CACNA2D3: variants seen among roughly 807,000 people sequenced by gnomAD.
CACNA2D3 encodes the protein calcium voltage-gated channel auxiliary subunit alpha2delta 3.
In CACNA2D3, 60 loss-of-function variants were observed where a neutral mutation model predicts 160.6. The observed-to-expected ratio is 0.37, with a 90% CI of 0.30 to 0.46. The LOEUF is 0.46. CACNA2D3 is among the 20% of genes least tolerant of loss of function. The pLI is 1.00. For synonymous variants in CACNA2D3, 558 were observed against 492.9 expected (o/e 1.13, Z -1.75); for missense variants, 1,205 against 1,365.0 (o/e 0.88, Z 1.85).
At chr3:54,212,735 G>C (rs569212631) in intron 2 of CACNA2D3, among the ~76,000 whole-genome samples, 1 of 152,228 alleles carries the variant, frequency 6.6e-6, no homozygotes, top group South Asian at 2.1e-4. Context: ...GATGGTTGGG[G>C]GTGGGAATGC....
rs909556591 is a variant in CACNA2D3 at position 54,604,006 on chromosome 3, G to GA, written c.963+22133dup. Among the ~76,000 whole-genome samples, 10 of 152,018 alleles carry GA rather than the reference G, an allele frequency of 6.6e-5. No homozygotes were observed. The South Asian group carries it at 8.3e-4, about 13-fold the overall frequency. On this transcript the variant is annotated intron_variant, in intron 9 of 37. Coordinates refer to ENST00000474759, the MANE Select transcript of CACNA2D3 (RefSeq NM_018398.3). The stretch of plus-strand genomic sequence containing the variant: ...ATAGCATTCCAACCTCCTTATTATT[G>GA]AAAATATAGCTTACTTCTAGGGTCT...
chr3:54,841,548 G>T (rs1173581938), intron 16 of CACNA2D3, among the ~76,000 whole-genome samples: 1 of 152,208 alleles, frequency 6.6e-6, no homozygotes, highest in Admixed American at 6.5e-5. Flanking sequence ...TCATCCAGGA[G>T]AGGAGAGCTC....
chr3:54,628,272 C>T (rs1206738307), intron 10 of CACNA2D3, among the ~76,000 whole-genome samples: 3 of 152,302 alleles, frequency 2.0e-5, no homozygotes, highest in African/African-American at 4.8e-5. Context: ...CTCTGGCTGA[C>T]ACTGAGCAGA....
At chr3:54,365,141 C>T (rs1268985973) in intron 3 of CACNA2D3, among the ~76,000 whole-genome samples, 1 of 152,200 alleles carries the variant, frequency 6.6e-6, no homozygotes, top group Non-Finnish European at 1.5e-5. Flanking sequence ...ACATGACTCA[C>T]AAATTAGACC....
intron 12 of CACNA2D3, among the ~76,000 whole-genome samples, chr3:54,752,922 G>A (rs536343766): frequency 1.3e-5 from 2 of 148,640 alleles, no homozygotes; most frequent in East Asian, 2.0e-4. Flanking sequence ...GTGCAGTAAC[G>A]CGATCTCAGC....
intron 9 of CACNA2D3, among the ~76,000 whole-genome samples, chr3:54,590,606 A>ATTATTC (rs1025776329): frequency 2.6e-5 from 4 of 151,084 alleles, no homozygotes; most frequent in Non-Finnish European, 4.4e-5. Context: ...TCTTATTATT[A>ATTATTC]TTATTATTAT....
chr3:54,146,746 G>A (rs1217952946), intron 2 of CACNA2D3, among the ~76,000 whole-genome samples: 2 of 152,212 alleles, frequency 1.3e-5, no homozygotes, highest in African/African-American at 4.8e-5. Context: ...GGGAGTCTGC[G>A]GGGTGTCACC....
At chr3:54,774,368 G>T (rs116655360) in intron 13 of CACNA2D3, among the ~76,000 whole-genome samples, 24 of 152,256 alleles carry the variant, frequency 1.6e-4, no homozygotes, top group African/African-American at 5.8e-4. Context: ...GGGGAAGCAG[G>T]CATGTCCTAT....
intron 35 of CACNA2D3, among the ~76,000 whole-genome samples, chr3:55,021,625 G>GTATATATA (rs61298986): frequency 8.0e-4 from 105 of 131,490 alleles, no homozygotes; most frequent in African/African-American, 2.9e-3. Flanking sequence ...ATGTGTGTGT[G>GTATATATA]TATATATATA....
chr3:54,343,052 C>G (rs1302377523), intron 3 of CACNA2D3, among the ~76,000 whole-genome samples: 1 of 152,190 alleles, frequency 6.6e-6, no homozygotes, highest in Non-Finnish European at 1.5e-5. Flanking sequence ...GTCCTTGCTG[C>G]CCAAAGTGAC....
Position 54,350,984 on chromosome 3 carries a change from TTG to T in CACNA2D3, c.321+30428_321+30429del, listed in dbSNP as rs1194074596. Among the ~76,000 whole-genome samples the T allele has an allele frequency of 8.9e-3, 380 of 42,848 alleles. 88 individuals are homozygous for T. Among genetic ancestry groups the T allele is most frequent in the Middle Eastern group, 0.028 (2 of 72 alleles). The allele number at this position is 42,848 out of a possible 152,430, so 28.1% of individuals were successfully genotyped here. On this transcript the variant is annotated intron_variant, in intron 3 of 37. Coordinates refer to ENST00000474759, the MANE Select transcript of CACNA2D3 (RefSeq NM_018398.3). ...CTTGAGTCTGTTTTTTTTTTTTTGT[TTG>T]TTTTTTTTTTTTTTTTTTTTGAGAC...
At chr3:54,319,157 GACAC>G (rs58790730) in intron 2 of CACNA2D3, among the ~76,000 whole-genome samples, 17,174 of 138,804 alleles carry the variant, frequency 0.12, 1,088 homozygotes, top group East Asian at 0.19. Context: ...AGCATTTTGT[GACAC>G]ACACACACAC....
intron 26 of CACNA2D3, among the ~76,000 whole-genome samples, chr3:54,897,233 G>A (rs769161294): frequency 1.2e-4 from 19 of 152,096 alleles, no homozygotes; most frequent in Non-Finnish European, 2.5e-4. Context: ...TCACATCCCT[G>A]CAGAGGTCCA....
chr3:54,810,562 T>G (rs1703280281), intron 13 of CACNA2D3, among the ~76,000 whole-genome samples: 1 of 152,180 alleles, frequency 6.6e-6, no homozygotes, highest in African/African-American at 2.4e-5. Context: ...TGATCATTCA[T>G]TCATGAGGCC....
At chr3:54,931,246 G>C (rs1002644589) in intron 27 of CACNA2D3, among the ~76,000 whole-genome samples, 1 of 152,188 alleles carries the variant, frequency 6.6e-6, no homozygotes, top group Non-Finnish European at 1.5e-5. Flanking sequence ...GGCAACATCT[G>C]CTTACTGCCC....
intron 4 of CACNA2D3, among the ~76,000 whole-genome samples, chr3:54,481,287 A>T (rs529352410): frequency 6.6e-6 from 1 of 152,182 alleles, no homozygotes; most frequent in Non-Finnish European, 1.5e-5. Flanking sequence ...CTCCCCTCTG[A>T]TGTTTCATTT....
chr3:54,298,756 C>T (rs9714322), intron 2 of CACNA2D3, among the ~76,000 whole-genome samples: 35,737 of 151,526 alleles, frequency 0.24, 4,443 homozygotes, highest in South Asian at 0.34. Flanking sequence ...TGCAGTGAGC[C>T]GTGATCATGC....
chr3:54,578,236 C>T (rs973986316), intron 8 of CACNA2D3, among the ~76,000 whole-genome samples: 10 of 152,186 alleles, frequency 6.6e-5, no homozygotes, highest in African/African-American at 2.4e-4. Flanking sequence ...ACATTGTATC[C>T]TTTTCTTCCT....
intron 34 of CACNA2D3, among the ~76,000 whole-genome samples, chr3:55,014,330 A>G (rs1037770659): frequency 6.6e-6 from 1 of 152,100 alleles, no homozygotes; most frequent in Non-Finnish European, 1.5e-5. Flanking sequence ...CTGGAACCTC[A>G]TTTTTCACTT....
Sources: allele counts gnomAD v4.1 joint callset (sites outside exome capture counted in the v4.1 genomes callset), GRCh38; gene constraint gnomAD v4.1.1; transcripts MANE v1.5; gene names NCBI Gene and HGNC (gene_info 2026-07-23, HGNC 2026-07-21).